Variants in KANK2 observed in about 807,000 individuals in gnomAD.
The protein encoded by KANK2 is KN motif and ankyrin repeat domains 2, also known as KN motif and ankyrin repeat domain-containing protein 2.
KANK2 carries 41 observed loss-of-function variants against 74.6 expected under a neutral mutation model. The observed-to-expected ratio is 0.55, with a 90% CI of 0.43 to 0.71. The LOEUF is 0.71. Among genes scored for constraint, KANK2 ranks in the 30% least tolerant of loss-of-function variants. The probability of loss-of-function intolerance (pLI) is 0.00; values close to 1 mark genes in which losing one functional copy is unlikely to be tolerated. For missense variants in KANK2, 1,148 were observed against 1,196.4 expected, an observed-to-expected ratio of 0.96 and a Z score of 0.60; for synonymous variants, 537 against 519.0, an observed-to-expected ratio of 1.03 and a Z score of -0.47.
At position 11,193,270 on chromosome 19, in the gene KANK2, C is replaced by A; in HGVS notation, c.810G>T (p.Trp270Cys). ...VALETRSVGT[W>C]VRERDLGMPD... ...GCATGCCCAAGTCCCGTTCTCGAAC[C>A]CAGGTGCCCACACTCCGGGTCTCCA... Residue 270 changes from tryptophan (W) to cysteine (C), a missense_variant, in exon 4 of 13, where the codon TGG becomes TGT. Trp to Cys is a radical substitution (Grantham distance 215). Transcript: ENST00000586659. The surrounding 1 kb of genome is among the most constrained non-coding windows in gnomAD (Gnocchi z 9.6). 1.9e-6 allele frequency: 3 copies of A among 1,611,136 alleles called. No homozygotes were observed. The highest frequency in any genetic ancestry group is 2.5e-6 in the Non-Finnish European group (3 of 1,179,804).
At chr19:11,168,005 G>GTTTTTTTT (rs528176321) in intron 12 of KANK2, among the ~76,000 whole-genome samples, 3 of 115,034 alleles carry the variant, frequency 2.6e-5, no homozygotes, top group Non-Finnish European at 3.6e-5. Context: ...CCACGTCCTT[G>GTTTTTTTT]TTTTTTTTTT....
At chr19:11,177,732 G>A (rs943889710) in intron 6 of KANK2, among the ~76,000 whole-genome samples, 1 of 152,080 alleles carries the variant, frequency 6.6e-6, no homozygotes, top group Non-Finnish European at 1.5e-5. Flanking sequence ...TGCTGGCTCT[G>A]GACAAAACCT....
chr19:11,178,437 CG>C lies in KANK2; in HGVS notation c.1427del (p.Pro476ArgfsTer8). Reference protein sequence around the residue: ...SEEAGGTGGPPAGVRSIMKRK... With the variant: ...SEEAGGTGGPXAGVRSIMKRK... ...GTTTCATGATAGATCGCACGCCTGC[CG>C]GGGGCCCGCCTGGAGGGGAGGACAG... On this transcript the variant is annotated frameshift_variant, in exon 6 of 13. Transcript: ENST00000586659. LOFTEE classifies it high-confidence loss of function. The C allele has an allele frequency of 1.3e-6, 2 of 1,596,704 alleles. No homozygotes were observed. The highest frequency in any genetic ancestry group is 1.8e-5 in the Admixed American group (1 of 56,154).
chr19:11,177,093 C>CTTTTTT (rs33941817), intron 6 of KANK2, among the ~76,000 whole-genome samples: 18 of 104,786 alleles, frequency 1.7e-4, no homozygotes, highest in South Asian at 9.7e-4. Context: ...ACTCACCCTC[C>CTTTTTT]TTTTTTTTTT....
intron 4 of KANK2, among the ~76,000 whole-genome samples, chr19:11,188,404 C>A (rs1024032494): frequency 9.9e-5 from 15 of 151,866 alleles, no homozygotes; most frequent in African/African-American, 3.6e-4. Context: ...GGGTTTTTGC[C>A]ATGTTGCCCA....
At chr19:11,167,681 C>G (rs1328198665) in intron 12 of KANK2, among the ~76,000 whole-genome samples, 1 of 151,996 alleles carries the variant, frequency 6.6e-6, no homozygotes, top group Non-Finnish European at 1.5e-5. Context: ...GTGCCCACCA[C>G]CACACCCAGC....
chr19:11,189,757 T>C (rs999075694), intron 4 of KANK2, among the ~76,000 whole-genome samples: 1 of 151,958 alleles, frequency 6.6e-6, no homozygotes, highest in East Asian at 1.9e-4. Flanking sequence ...GCAGCTTGAA[T>C]GCAAAGAAGG....
At chr19:11,181,448 T>C (rs932828663) in intron 4 of KANK2, among the ~76,000 whole-genome samples, 3 of 152,000 alleles carry the variant, frequency 2.0e-5, no homozygotes, top group African/African-American at 4.8e-5. Context: ...GGTTTCACCA[T>C]GTTGGCCAGG....
intron 3 of KANK2, 119 bp from the exon 4 acceptor site, chr19:11,194,161 C>T (rs759957343): frequency 9.1e-7 from 1 of 1,104,732 alleles, no homozygotes; most frequent in Non-Finnish European, 1.3e-6. Flanking sequence ...CCACCTGGTA[C>T]TCAACCGCGT....
chr19:11,194,723 C>T, intron 2 of KANK2, 133 bp from the exon 3 acceptor site: 1 of 524,100 alleles, frequency 1.9e-6, no homozygotes, highest in Non-Finnish European at 3.5e-6. Context: ...AGACGCACAC[C>T]CAGCCTGGCT....
intron 4 of KANK2, among the ~76,000 whole-genome samples, chr19:11,184,287 A>G (rs1317704599): frequency 2.7e-5 from 4 of 149,966 alleles, no homozygotes; most frequent in African/African-American, 9.8e-5. Flanking sequence ...GAGGCAGGAG[A>G]ATTGCTTGAA....
intron 4 of KANK2, among the ~76,000 whole-genome samples, chr19:11,186,568 G>A (rs963953689): frequency 8.6e-5 from 13 of 151,870 alleles, no homozygotes; most frequent in Admixed American, 5.3e-4. Context: ...GTGGTGGGGC[G>A]CATGCCTGTA....
At chr19:11,196,782 G>A (rs2079032162) in intron 1 of KANK2, 2 of 152,340 alleles carry the variant, frequency 1.3e-5, no homozygotes, top group South Asian at 2.1e-4. Context: ...AGACAGAGAT[G>A]GAGAGACTGG....
rs191225384 is a variant in KANK2, at chr19:11,166,381, T to C, written c.*177A>G. 812 of 608,984 alleles carry C rather than the reference T, an allele frequency of 1.3e-3. 17 individuals are homozygous for C. The East Asian group carries it at 0.021, about 15-fold the overall frequency. The allele number at this position is 608,984 out of a possible 1,614,324, so 37.7% of individuals were successfully genotyped here. ...GGAGCCAAGAAAACCCACTTGGAGCTGGAGTCCTGTGGCCGTCGGGGCTCC... is the reference window on the plus strand; with the variant it reads ...GGAGCCAAGAAAACCCACTTGGAGCCGGAGTCCTGTGGCCGTCGGGGCTCC... On this transcript the variant is annotated 3_prime_UTR_variant, in exon 13 of 13. Coordinates refer to ENST00000586659, the MANE Select transcript of KANK2 (RefSeq NM_001136191.3).
chr19:11,173,909 T>TC (rs1268046053), intron 9 of KANK2, among the ~76,000 whole-genome samples: 1 of 138,548 alleles, frequency 7.2e-6, no homozygotes, highest in Admixed American at 7.1e-5. Flanking sequence ...AGGGCCACAT[T>TC]CCCCCAACAA....
chr19:11,170,807 T>C lies in KANK2; in HGVS notation c.2212-559A>G, dbSNP rs182473521. 6.6e-6 allele frequency among the ~76,000 whole-genome samples: 1 copy of C among 152,078 alleles called. No individual in the cohort carries two copies. The highest frequency in any genetic ancestry group is 1.5e-5 in the Non-Finnish European group (1 of 68,004). ...GGTTTTGCCATGTTGCCCAGGCTAA[T>C]TGTTCCTTTAAAAGGGTTAATTATT... is the stretch of plus-strand genomic sequence containing the variant. On this transcript the variant is annotated intron_variant, in intron 10 of 12. Transcript: ENST00000586659. This position sits in a 1 kb window ranked among gnomAD's most constrained non-coding sequence, Gnocchi z 5.2.
intron 4 of KANK2, among the ~76,000 whole-genome samples, chr19:11,189,971 G>T (rs1411791376): frequency 6.6e-6 from 1 of 152,060 alleles, no homozygotes; most frequent in Admixed American, 6.6e-5. Flanking sequence ...GGAACAACAC[G>T]GGCCGGCGAG....
At position 11,166,759 on chromosome 19, in the gene KANK2, G is replaced by A. The variant is rs1258024541; in HGVS notation, c.2503-148C>T. ...AAGGAGGTGGCGATCTGGGGGCACCGCCTTGAAGAAGCAAACTCATGACTG... is the reference window on the plus strand; with the variant it reads ...AAGGAGGTGGCGATCTGGGGGCACCACCTTGAAGAAGCAAACTCATGACTG... On this transcript the variant is annotated intron_variant, in intron 12 of 12. Transcript: ENST00000586659. 5 of 696,210 alleles carry A rather than the reference G, an allele frequency of 7.2e-6. 1 individual carries two copies. The highest frequency in any genetic ancestry group is 3.4e-5 in the South Asian group (2 of 59,694). The allele number at this position is 696,210 out of a possible 1,614,324, so 43.1% of individuals were successfully genotyped here.
intron 4 of KANK2, among the ~76,000 whole-genome samples, chr19:11,191,964 C>T (rs1248726477): frequency 7.2e-5 from 11 of 152,030 alleles, no homozygotes; most frequent in African/African-American, 1.9e-4. Context: ...GAGGCTAAGG[C>T]GGGAGGATTG....
Sources: gnomAD v4.1 joint callset for allele counts (sites outside exome capture counted in the v4.1 genomes callset) on GRCh38, gnomAD v4.1.1 for gene constraint, Gnocchi (gnomAD v3.1) non-coding constraint, MANE v1.5 for transcripts, NCBI Gene and HGNC (gene_info 2026-07-23, HGNC 2026-07-21) for gene names.